SDK1: variants seen among roughly 807,000 people sequenced by gnomAD.
SDK1 encodes protein sidekick-1.
In SDK1, 157 loss-of-function variants were observed where a neutral mutation model predicts 245.5. The ratio of observed to expected loss-of-function variants is 0.64; its 90% confidence interval spans 0.56 to 0.73. The LOEUF is 0.73. Ranked by LOEUF, SDK1 falls within the 30% of genes least tolerant of loss-of-function variation. The pLI is 0.00. For missense variants in SDK1, 3,583 were observed against 3,002.3 expected (o/e 1.19, Z -4.52); for synonymous variants, 1,647 against 1,278.5 (o/e 1.29, Z -6.15).
chr7:3,972,079 C>CTTT (rs10707387), intron 12 of SDK1, among the ~76,000 whole-genome samples: 4 of 123,348 alleles, frequency 3.2e-5, no homozygotes, highest in Non-Finnish European at 3.3e-5. Flanking sequence ...TGAGGGTTCT[C>CTTT]TTTTTTTTTT....
chr7:4,110,298 G>A (rs941888870), intron 22 of SDK1, among the ~76,000 whole-genome samples: 1 of 152,172 alleles, frequency 6.6e-6, no homozygotes, highest in Non-Finnish European at 1.5e-5. Flanking sequence ...GGCTTTCTCT[G>A]AGCCCTCACT....
At chr7:3,854,833 G>A (rs148649092) in intron 5 of SDK1, among the ~76,000 whole-genome samples, 57 of 152,302 alleles carry the variant, frequency 3.7e-4, no homozygotes, top group Middle Eastern at 6.8e-3. Context: ...GGGAAGGGAT[G>A]TATTATGAGG....
intron 1 of SDK1, among the ~76,000 whole-genome samples, chr7:3,527,076 C>T (rs1221445555): frequency 6.6e-6 from 1 of 151,976 alleles, no homozygotes. Flanking sequence ...GGTCACCAGC[C>T]CTGCTATTTT....
chr7:4,157,483 AAGGG>A (rs1214976735), intron 30 of SDK1, among the ~76,000 whole-genome samples: 1 of 134,080 alleles, frequency 7.5e-6, no homozygotes, highest in Non-Finnish European at 1.6e-5. Context: ...GGAGGGAAGG[AAGGG>A]AGGAAGAGGG....
chr7:3,561,770 A>G (rs1473880056), intron 1 of SDK1, among the ~76,000 whole-genome samples: 4 of 152,196 alleles, frequency 2.6e-5, no homozygotes, highest in African/African-American at 4.8e-5. Context: ...TCCAGAATAC[A>G]CTGTTTCTAA....
intron 5 of SDK1, among the ~76,000 whole-genome samples, chr7:3,883,970 G>A (rs1215442333): frequency 5.9e-5 from 9 of 152,256 alleles, no homozygotes; most frequent in African/African-American, 2.2e-4. Context: ...ATTGCCAGAG[G>A]ATGAAAGTCC....
intron 25 of SDK1, among the ~76,000 whole-genome samples, chr7:4,119,098 G>A (rs1783904921): frequency 6.8e-6 from 1 of 147,700 alleles, no homozygotes; most frequent in Admixed American, 6.7e-5. Context: ...TCACAATAAG[G>A]CTTTAAAAAA....
intron 1 of SDK1, among the ~76,000 whole-genome samples, chr7:3,414,069 T>C (rs1303164549): frequency 6.6e-6 from 1 of 152,160 alleles, no homozygotes; most frequent in Non-Finnish European, 1.5e-5. Context: ...TGGGCTGTAG[T>C]GGCAGCAGCA....
At position 3,513,575 on chromosome 7, in the gene SDK1, A is replaced by C. The variant is rs533961567; in HGVS notation, c.299-105505A>C. On this transcript the variant is annotated intron_variant, in intron 1 of 44. Coordinates refer to ENST00000404826, the MANE Select transcript of SDK1 (RefSeq NM_152744.4). The stretch of plus-strand genomic sequence containing the variant: ...AATATAAAGAAAATATCCATATTTA[A>C]ATTGTTTTAAATTATTAGTGGGCAT... 5.3e-5 allele frequency among the ~76,000 whole-genome samples: 8 copies of C among 152,344 alleles called. No individual in the cohort carries two copies. The South Asian group carries it at 1.7e-3, about 32-fold the overall frequency.
intron 1 of SDK1, among the ~76,000 whole-genome samples, chr7:3,590,837 C>T (rs1341008348): frequency 6.9e-6 from 1 of 145,814 alleles, no homozygotes; most frequent in Non-Finnish European, 1.5e-5. Context: ...GGCTGGAGTG[C>T]AGTGGCATGA....
rs185661557 is a variant in SDK1 at position 4,268,660 on chromosome 7, C to A, written c.*3276C>A. On this transcript the variant is annotated 3_prime_UTR_variant, in exon 45 of 45. Coordinates refer to ENST00000404826, the MANE Select transcript of SDK1 (RefSeq NM_152744.4). ...TTCGTAGCATGGTTTTTATTTCTTA[C>A]GCATTCTTGGCACACAGTGTAGCTA... 1 of 1,367,748 alleles carries A rather than the reference C, an allele frequency of 7.3e-7. No homozygotes were observed. The highest frequency in any genetic ancestry group is 1.1e-5 in the South Asian group (1 of 88,040). The allele number at this position is 1,367,748 out of a possible 1,614,324, so 84.7% of individuals were successfully genotyped here.
intron 1 of SDK1, among the ~76,000 whole-genome samples, chr7:3,328,396 A>G (rs993945591): frequency 7.2e-5 from 11 of 152,030 alleles, no homozygotes; most frequent in Non-Finnish European, 1.0e-4. Flanking sequence ...GATGATGATG[A>G]TTTCATTTTA....
chr7:4,086,680 C>G (rs575298424), intron 22 of SDK1, among the ~76,000 whole-genome samples: 1 of 152,076 alleles, frequency 6.6e-6, no homozygotes, highest in Non-Finnish European at 1.5e-5. Flanking sequence ...CTTTTAAGGA[C>G]TCCTGATTAC....
intron 5 of SDK1, among the ~76,000 whole-genome samples, chr7:3,892,493 T>C (rs1027153837): frequency 7.9e-5 from 12 of 152,310 alleles, no homozygotes; most frequent in African/African-American, 2.6e-4. Context: ...ACAAGTCATA[T>C]GGCAAGCCCA....
intron 35 of SDK1, among the ~76,000 whole-genome samples, chr7:4,196,042 A>G (rs1783558220): frequency 6.6e-6 from 1 of 152,064 alleles, no homozygotes; most frequent in African/African-American, 2.4e-5. Flanking sequence ...AAAGCTTACC[A>G]CCCTTCATGT....
At position 3,751,417 on chromosome 7, in the gene SDK1, A is replaced by T. The variant is rs1201356077; in HGVS notation, c.714-70033A>T. Among the ~76,000 whole-genome samples the T allele has an allele frequency of 2.1e-5, 3 of 143,112 alleles. No individual in the cohort carries two copies. The East Asian group carries it at 6.8e-4, about 33-fold the overall frequency. The allele number at this position is 143,112 out of a possible 152,430, so 93.9% of individuals were successfully genotyped here. A position where few individuals can be genotyped will look rare whatever the true frequency, so the allele number is the denominator to read the frequency against. ...CTATGGCAAACTAAATGTGAGAGATAGAACCAGAGGACAAGATAGAAGAAC... is the reference window on the plus strand; with the variant it reads ...CTATGGCAAACTAAATGTGAGAGATTGAACCAGAGGACAAGATAGAAGAAC... On this transcript the variant is annotated intron_variant, in intron 4 of 44. Transcript: ENST00000404826.
intron 1 of SDK1, among the ~76,000 whole-genome samples, chr7:3,566,458 C>G (rs1458188609): frequency 1.3e-5 from 2 of 151,928 alleles, no homozygotes; most frequent in Non-Finnish European, 2.9e-5. Context: ...ATCTCCTGAC[C>G]TCGTGATCTG....
chr7:3,383,002 G>C (rs1719766971), intron 1 of SDK1, among the ~76,000 whole-genome samples: 1 of 152,020 alleles, frequency 6.6e-6, no homozygotes. Context: ...AATACCATAG[G>C]TATCAACCAG....
At chr7:4,071,709 C>G (rs952109999) in intron 20 of SDK1, among the ~76,000 whole-genome samples, 4 of 152,202 alleles carry the variant, frequency 2.6e-5, no homozygotes, top group Non-Finnish European at 4.4e-5. Flanking sequence ...AGAAGACTTT[C>G]CAGTTCAGAC....
Sources: allele counts gnomAD v4.1 joint callset (sites outside exome capture counted in the v4.1 genomes callset), GRCh38; gene constraint gnomAD v4.1.1; transcripts MANE v1.5; gene names NCBI Gene and HGNC (gene_info 2026-07-23, HGNC 2026-07-21).